NLGN1: variants seen among roughly 807,000 people sequenced by gnomAD.
NLGN1 encodes the protein neuroligin-1.
A neutral mutation model predicts 65.5 loss-of-function variants in NLGN1; 12 were observed. The observed-to-expected ratio is 0.18, with a 90% CI of 0.12 to 0.30. The LOEUF is 0.30. Among genes scored for constraint, NLGN1 ranks in the 10% least tolerant of loss-of-function variants. The pLI, the probability that NLGN1 is intolerant of heterozygous loss-of-function variation, is 1.00. For synonymous variants in NLGN1, 350 were observed against 359.5 expected (o/e 0.97, Z 0.30); for missense variants, 750 against 1,007.1 (o/e 0.74, Z 3.46).
intron 4 of NLGN1, among the ~76,000 whole-genome samples, chr3:173,948,213 A>T (rs1350369042): frequency 6.6e-6 from 1 of 152,220 alleles, no homozygotes; most frequent in Non-Finnish European, 1.5e-5. Context: ...TCCAAATTTT[A>T]ATTTCTTTAT....
In NLGN1 at chr3:173,871,086, C is replaced by T. The variant is rs530841918; in HGVS notation, c.646+63254C>T. 1.9e-3 allele frequency among the ~76,000 whole-genome samples: 290 copies of T among 152,208 alleles called. 2 individuals carry two copies. The highest frequency in any genetic ancestry group is 3.2e-3 in the Non-Finnish European group (220 of 68,012). ...GAGTTAATAATAGGTCATGTCTACA[C>T]GATGAAGCTTCTATTAAAAATTCCT... is the stretch of plus-strand genomic sequence containing the variant. On this transcript the variant is annotated intron_variant, in intron 4 of 6. Transcript: ENST00000457714.
chr3:174,284,341 C>T (rs995192469), exon 7 of NLGN1: 1 of 151,202 alleles, frequency 6.6e-6, no homozygotes, highest in Non-Finnish European at 1.5e-5. Context: ...GAAACATAAT[C>T]TTTATATGCA....
At chr3:173,459,199 C>G (rs566288518) in intron 2 of NLGN1, among the ~76,000 whole-genome samples, 51 of 152,204 alleles carry the variant, frequency 3.4e-4, no homozygotes, top group African/African-American at 1.2e-3. Flanking sequence ...TCTTAATGCT[C>G]AGCCCATTGC....
At chr3:174,237,392 T>C (rs1218518879) in intron 4 of NLGN1, among the ~76,000 whole-genome samples, 1 of 152,204 alleles carries the variant, frequency 6.6e-6, no homozygotes, top group Non-Finnish European at 1.5e-5. Context: ...ACTAATCCTT[T>C]AATGACACCA....
exon 7 of NLGN1, chr3:174,281,640 TAAA>T (rs978355297): frequency 3.9e-5 from 8 of 206,070 alleles, no homozygotes; most frequent in Non-Finnish European, 5.9e-5. Context: ...AAAATAAAAA[TAAA>T]AAAACAACTA....
rs571901328 is a variant in NLGN1 at position 173,955,381 on chromosome 3, G to A, written c.646+147549G>A. Among the ~76,000 whole-genome samples, 8 of 151,976 alleles carry A rather than the reference G, an allele frequency of 5.3e-5. No homozygotes were observed. In the East Asian group the frequency reaches 1.3e-3, roughly 26 times the overall value. On this transcript the variant is annotated intron_variant, in intron 4 of 6. Transcript: ENST00000457714. ...AAGGTTCCCAAATGTGCTTTAAGAT[G>A]CATGTAATGTTGTTAAAATGAGGTG...
At chr3:173,866,478 G>A (rs1730192884) in intron 4 of NLGN1, among the ~76,000 whole-genome samples, 1 of 152,180 alleles carries the variant, frequency 6.6e-6, no homozygotes, top group Non-Finnish European at 1.5e-5. Flanking sequence ...ACGAATAAAT[G>A]AATGAGAGAG....
intron 4 of NLGN1, among the ~76,000 whole-genome samples, chr3:173,848,350 C>T (rs1333675213): frequency 1.3e-5 from 2 of 152,190 alleles, no homozygotes; most frequent in Non-Finnish European, 2.9e-5. Flanking sequence ...AAATCACTTT[C>T]CCAAAAGTTG....
intron 4 of NLGN1, among the ~76,000 whole-genome samples, chr3:174,138,538 C>T (rs1721650478): frequency 6.6e-6 from 1 of 151,660 alleles, no homozygotes; most frequent in South Asian, 2.1e-4. Context: ...AGGTTCACGC[C>T]ATTCTCCTGC....
chr3:173,637,965 T>C (rs1193043155), intron 3 of NLGN1, among the ~76,000 whole-genome samples: 4 of 152,190 alleles, frequency 2.6e-5, no homozygotes, highest in South Asian at 2.1e-4. Context: ...TGTGAAACTT[T>C]GATGATAAAC....
At chr3:173,490,720 C>T (rs1728989069) in intron 2 of NLGN1, among the ~76,000 whole-genome samples, 1 of 152,300 alleles carries the variant, frequency 6.6e-6, no homozygotes, top group East Asian at 1.9e-4. Flanking sequence ...TTCTTCCTAT[C>T]CATGAGCATG....
chr3:173,512,658 C>T (rs1733175368), intron 2 of NLGN1, among the ~76,000 whole-genome samples: 2 of 152,106 alleles, frequency 1.3e-5, no homozygotes, highest in African/African-American at 4.8e-5. Context: ...AGTGGACACA[C>T]AGGGATGGAA....
chr3:173,478,820 A>G (rs934616158), intron 2 of NLGN1, among the ~76,000 whole-genome samples: 1 of 151,990 alleles, frequency 6.6e-6, no homozygotes, highest in African/African-American at 2.4e-5. Context: ...TGTGAGGCAG[A>G]GGTTGCAGTG....
intron 4 of NLGN1, among the ~76,000 whole-genome samples, chr3:174,185,905 T>C (rs1167113394): frequency 6.6e-6 from 1 of 152,084 alleles, no homozygotes; most frequent in African/African-American, 2.4e-5. Flanking sequence ...TTTTATACTG[T>C]CTTAATTATA....
intron 2 of NLGN1, among the ~76,000 whole-genome samples, chr3:173,455,432 T>A (rs1422187941): frequency 6.6e-6 from 1 of 152,180 alleles, no homozygotes; most frequent in African/African-American, 2.4e-5. Context: ...CATTTGAGGT[T>A]ACATTTCAAT....
chr3:173,639,935 T>G (rs938103419), intron 3 of NLGN1, among the ~76,000 whole-genome samples: 1 of 152,114 alleles, frequency 6.6e-6, no homozygotes, highest in African/African-American at 2.4e-5. Context: ...TCCCTCTCTT[T>G]CTGTCTCTTT....
intron 1 of NLGN1, among the ~76,000 whole-genome samples, chr3:173,416,574 A>T (rs1399377884): frequency 6.6e-6 from 1 of 152,166 alleles, no homozygotes; most frequent in Admixed American, 6.5e-5. Context: ...TGCTTTGATC[A>T]CAAAGCTGAC....
At chr3:173,826,409 C>T (rs1255933518) in intron 4 of NLGN1, among the ~76,000 whole-genome samples, 1 of 152,014 alleles carries the variant, frequency 6.6e-6, no homozygotes, top group Non-Finnish European at 1.5e-5. Context: ...GATACAGCTA[C>T]ACTTAACTGC....
At chr3:174,233,957 C>T (rs1458335124) in intron 4 of NLGN1, among the ~76,000 whole-genome samples, 1 of 152,100 alleles carries the variant, frequency 6.6e-6, no homozygotes, top group East Asian at 1.9e-4. Flanking sequence ...TGTTGACATA[C>T]AGTTTCTTTT....
Sources: gnomAD v4.1 joint callset for allele counts (sites outside exome capture counted in the v4.1 genomes callset) on GRCh38, gnomAD v4.1.1 for gene constraint, MANE v1.5 for transcripts, NCBI Gene and HGNC (gene_info 2026-07-23, HGNC 2026-07-21) for gene names.